EMP1: variants seen among roughly 807,000 people sequenced by gnomAD.
EMP1 encodes the protein epithelial membrane protein 1, also known as tumor-associated membrane protein.
A neutral mutation model predicts 15.7 loss-of-function variants in EMP1; 5 were observed. That is an observed-to-expected ratio of 0.32 (90% confidence interval 0.17 to 0.67). EMP1 has a LOEUF of 0.67. Among genes scored for constraint, EMP1 ranks in the 30% least tolerant of loss-of-function variants. The pLI is 0.74. For synonymous variants in EMP1, 78 were observed against 76.7 expected (o/e 1.02, Z -0.09); for missense variants, 166 against 194.2 (o/e 0.85, Z 0.86).
Position 13,214,630 on chromosome 12 carries a change from G to A in EMP1, c.413G>A (p.Trp138Ter). 6.2e-7 allele frequency: 1 copy of A among 1,613,956 alleles called. No homozygotes were observed. Among genetic ancestry groups the A allele is most frequent in the South Asian group, 1.1e-5 (1 of 91,050 alleles). The change falls in exon 5 of 5, where the codon TGG becomes TAG. Residue 138 changes from tryptophan to a stop codon, truncating the protein, a stop_gained. Transcript: ENST00000256951. LOFTEE classifies it high-confidence loss of function. ...YHHGYSYILG[W>*]ICFCFSFIIG... ...CACGGCTATTCCTACATCCTGGGCT[G>A]GATCTGCTTCTGCTTCAGCTTCATC...
intron 1 of EMP1, among the ~76,000 whole-genome samples, chr12:13,204,982 A>G (rs566314710): frequency 1.3e-5 from 2 of 152,178 alleles, no homozygotes. Flanking sequence ...CTAGTCAGGT[A>G]ATCTCACCGG....
At chr12:13,201,080 C>T (rs954560690) in intron 1 of EMP1, among the ~76,000 whole-genome samples, 6 of 152,136 alleles carry the variant, frequency 3.9e-5, no homozygotes, top group African/African-American at 1.4e-4. Context: ...TTCTTGCTTT[C>T]GGAAGTTGAA....
chr12:13,198,094 T>A (rs930825423), intron 1 of EMP1, among the ~76,000 whole-genome samples: 2 of 152,196 alleles, frequency 1.3e-5, no homozygotes, highest in Admixed American at 1.3e-4. Flanking sequence ...CCAGAAACGA[T>A]AAAAGAACTT....
chr12:13,216,341 T>A lies in EMP1; in HGVS notation c.*1650T>A. On this transcript the variant is annotated 3_prime_UTR_variant, in exon 5 of 5. Transcript: ENST00000256951. ...ATTTATGTAAAAGGATTATTACTAATTCTATTTCTCTATGTTTATTCTAGT... is the reference window on the plus strand; with the variant it reads ...ATTTATGTAAAAGGATTATTACTAAATCTATTTCTCTATGTTTATTCTAGT... 1 of 700,898 alleles carries A rather than the reference T, an allele frequency of 1.4e-6. No homozygotes were observed. The highest frequency in any genetic ancestry group is 1.5e-5 in the South Asian group (1 of 67,144). The allele number at this position is 700,898 out of a possible 1,614,324, so 43.4% of individuals were successfully genotyped here.
intron 1 of EMP1, among the ~76,000 whole-genome samples, chr12:13,200,926 G>C (rs1864059810): frequency 4.6e-5 from 7 of 152,166 alleles, no homozygotes; most frequent in Admixed American, 4.6e-4. Context: ...CTTCAAACCG[G>C]GTAGTTAAAC....
chr12:13,209,920 G>A (rs1444572203), intron 1 of EMP1, among the ~76,000 whole-genome samples: 1 of 152,208 alleles, frequency 6.6e-6, no homozygotes, highest in Non-Finnish European at 1.5e-5. Context: ...TGCATTCACA[G>A]TTAAGTTGGA....
intron 4 of EMP1, 190 bp from the exon 5 acceptor site, chr12:13,214,344 C>A: frequency 2.7e-6 from 2 of 730,310 alleles, no homozygotes; most frequent in Non-Finnish European, 4.4e-6. Context: ...AGCCCAGACA[C>A]CTCTAATTTA....
Position 13,215,457 on chromosome 12 carries a change from C to T in EMP1, c.*766C>T, listed in dbSNP as rs1864206402. ...CCAAGGCAGCTCTTCTGGAGTTTCT[C>T]TAAAGTCACTAGTGAACAATTCGGT... On this transcript the variant is annotated 3_prime_UTR_variant, in exon 5 of 5. Coordinates refer to ENST00000256951, the MANE Select transcript of EMP1 (RefSeq NM_001423.3). The T allele has an allele frequency of 6.6e-6, 1 of 152,250 alleles. No individual in the cohort carries two copies. Among genetic ancestry groups the T allele is most frequent in the African/African-American group, 2.4e-5 (1 of 41,448 alleles). 9.4% of individuals were successfully genotyped at this position (152,250 alleles called of 1,614,324 possible).
Position 13,211,806 on chromosome 12 carries a change from G to A in EMP1, c.78+218G>A, listed in dbSNP as rs1189147734. On this transcript the variant is annotated intron_variant, in intron 2 of 4. Coordinates refer to ENST00000256951, the MANE Select transcript of EMP1 (RefSeq NM_001423.3). This position sits in a 1 kb window ranked among gnomAD's most constrained non-coding sequence, Gnocchi z 4.7. ...AGTAATCCTGCCAGAGCTGTAGGTG[G>A]TTAAGGGCTGGAGGATCTAGTGCAG... The A allele has an allele frequency of 1.4e-5, 8 of 570,436 alleles. No homozygotes were observed. In the South Asian group the frequency reaches 1.7e-4, roughly 12 times the overall value. 35.3% of individuals were successfully genotyped at this position (570,436 alleles called of 1,614,324 possible).
At chr12:13,202,587 T>C (rs891153497) in intron 1 of EMP1, among the ~76,000 whole-genome samples, 7 of 152,186 alleles carry the variant, frequency 4.6e-5, no homozygotes, top group South Asian at 2.1e-4. Context: ...ATAGTCTCCA[T>C]GTCTGGGTGG....
intron 1 of EMP1, among the ~76,000 whole-genome samples, chr12:13,204,726 C>T (rs897869889): frequency 6.6e-6 from 1 of 152,168 alleles, no homozygotes; most frequent in Non-Finnish European, 1.5e-5. Flanking sequence ...GGAAGCACCA[C>T]GTCTTTGGTC....
At position 13,216,529 on chromosome 12, in the gene EMP1, C is replaced by A; in HGVS notation, c.*1838C>A. The A allele has an allele frequency of 1.4e-6, 1 of 693,594 alleles. No homozygotes were observed. The highest frequency in any genetic ancestry group is 2.0e-5 in the Admixed American group (1 of 48,968). 43.0% of individuals were successfully genotyped at this position (693,594 alleles called of 1,614,324 possible). On this transcript the variant is annotated 3_prime_UTR_variant, in exon 5 of 5. Transcript: ENST00000256951. ...AAACATACTTACATTTCAGACATAT[C>A]CAAAGGGAATACTCACATTTTGTTA... is the stretch of plus-strand genomic sequence containing the variant.
intron 1 of EMP1, among the ~76,000 whole-genome samples, chr12:13,203,217 T>A (rs1864081925): frequency 6.6e-6 from 1 of 152,216 alleles, no homozygotes; most frequent in African/African-American, 2.4e-5. Flanking sequence ...CTAGGTTTTC[T>A]TCCCAAACCC....
intron 4 of EMP1, chr12:13,214,027 T>C (rs776769907): frequency 6.4e-6 from 5 of 781,424 alleles, no homozygotes; most frequent in Admixed American, 4.0e-5. Flanking sequence ...AAACCAGTGC[T>C]CCTGGGTAGC....
intron 1 of EMP1, among the ~76,000 whole-genome samples, chr12:13,200,364 CA>C (rs1864053994): frequency 6.6e-6 from 1 of 152,212 alleles, no homozygotes; most frequent in Non-Finnish European, 1.5e-5. Context: ...GGCTGCCCAT[CA>C]AATGTAGCCT....
chr12:13,209,438 A>G (rs568850761), intron 1 of EMP1: 1 of 152,336 alleles, frequency 6.6e-6, no homozygotes, highest in South Asian at 2.1e-4. Context: ...CTGCCTCGTG[A>G]ACTAGACAGC....
At chr12:13,213,333 C>T (rs1269194587) in intron 2 of EMP1, 146 bp from the exon 3 acceptor site, 11 of 715,454 alleles carry the variant, frequency 1.5e-5, no homozygotes, top group South Asian at 5.8e-5. Context: ...ACCTTATTTC[C>T]GCCCACAGAT....
At chr12:13,201,012 C>T (rs1004155200) in intron 1 of EMP1, among the ~76,000 whole-genome samples, 1 of 152,184 alleles carries the variant, frequency 6.6e-6, no homozygotes, top group Non-Finnish European at 1.5e-5. Flanking sequence ...ACTAGGAAGA[C>T]AGAGGGGCAG....
At chr12:13,213,382 T>G in intron 2 of EMP1, 97 bp from the exon 3 acceptor site, 1 of 1,099,226 alleles carries the variant, frequency 9.1e-7, no homozygotes, top group South Asian at 1.4e-5. Context: ...TAGAATGTCT[T>G]TATTAAAATC....
Sources: gnomAD v4.1 joint callset for allele counts (sites outside exome capture counted in the v4.1 genomes callset) on GRCh38, gnomAD v4.1.1 for gene constraint, Gnocchi (gnomAD v3.1) non-coding constraint, MANE v1.5 for transcripts, NCBI Gene and HGNC (gene_info 2026-07-23, HGNC 2026-07-21) for gene names.